UNC13B: variants seen among roughly 807,000 people sequenced by gnomAD.
The protein encoded by UNC13B is protein unc-13 homolog B.
In UNC13B, 144 loss-of-function variants were observed where a neutral mutation model predicts 211.0. That is an observed-to-expected ratio of 0.68 (90% confidence interval 0.60 to 0.78). The LOEUF is 0.78. UNC13B is among the 30% of genes least tolerant of loss of function. The probability of loss-of-function intolerance (pLI) is 0.00; values close to 1 mark genes in which losing one functional copy is unlikely to be tolerated. For missense variants in UNC13B, 1,777 were observed against 2,002.0 expected (o/e 0.89, Z 2.14); for synonymous variants, 709 against 725.8 (o/e 0.98, Z 0.37).
chr9:35,185,266 T>C (rs892664778), intron 1 of UNC13B, among the ~76,000 whole-genome samples: 21 of 152,224 alleles, frequency 1.4e-4, no homozygotes, highest in African/African-American at 4.8e-4. Flanking sequence ...GGATATTATT[T>C]GTAGTTGGCT....
At chr9:35,314,368 G>A (rs1245966543) in intron 11 of UNC13B, among the ~76,000 whole-genome samples, 2 of 152,050 alleles carry the variant, frequency 1.3e-5, no homozygotes, top group East Asian at 1.9e-4. Context: ...GGCCAAAACA[G>A]GGTACAAAAA....
chr9:35,358,779 C>T lies in UNC13B; in HGVS notation c.9415-8168C>T, dbSNP rs186040813. On this transcript the variant is annotated intron_variant, in intron 11 of 39. Transcript: ENST00000635942. ...CGTGATTTCGGCTCACAGCAACCTC[C>T]GCCTCCTGAGTTCGAGCAATTCTTC... 9.3e-4 allele frequency among the ~76,000 whole-genome samples: 141 copies of T among 151,034 alleles called. 1 individual carries two copies. In the South Asian group the frequency reaches 0.015, roughly 16 times the overall value.
chr9:35,236,704 A>C, intron 4 of UNC13B, 118 bp downstream of exon 4: 1 of 909,986 alleles, frequency 1.1e-6, no homozygotes, highest in Non-Finnish European at 1.7e-6. Flanking sequence ...CCCCTTTCTA[A>C]TTAGAGGGCA....
intron 17 of UNC13B, among the ~76,000 whole-genome samples, chr9:35,380,048 G>A (rs1834716783): frequency 6.6e-6 from 1 of 152,082 alleles, no homozygotes; most frequent in Admixed American, 6.5e-5. Flanking sequence ...TAACCCTATG[G>A]GCCTACCATG....
chr9:35,194,816 A>G (rs905513574), intron 1 of UNC13B, among the ~76,000 whole-genome samples: 1 of 152,198 alleles, frequency 6.6e-6, no homozygotes, highest in African/African-American at 2.4e-5. Flanking sequence ...ATCTCGTGCC[A>G]GAAAAATTTA....
intron 37 of UNC13B, among the ~76,000 whole-genome samples, chr9:35,401,198 G>A (rs1836277221): frequency 6.6e-6 from 1 of 152,186 alleles, no homozygotes; most frequent in Non-Finnish European, 1.5e-5. Flanking sequence ...CTGGGGGAGT[G>A]AACCTGGTGG....
At position 35,389,852 on chromosome 9, in the gene UNC13B, G is replaced by C; in HGVS notation, c.11101G>C (p.Glu3701Gln). The change falls in exon 25 of 40, where the codon GAG (glutamate) becomes CAG (glutamine). Residue 3701 changes from glutamate (E) to glutamine (Q), a missense_variant. Transcript: ENST00000635942. ...CTGTGTCCTCTGGATCAAGAAGCAG[G>C]AGCTACCTCCAGAGGAACAAGGGCC... Reference protein sequence around the residue: ...LYSRQYQLKQELPPEEQGPSI... With the variant: ...LYSRQYQLKQQLPPEEQGPSI... 1 of 1,614,068 alleles carries C rather than the reference G, an allele frequency of 6.2e-7. No homozygotes were observed. Among genetic ancestry groups the C allele is most frequent in the Non-Finnish European group, 8.5e-7 (1 of 1,179,970 alleles).
At chr9:35,243,422 A>T in intron 6 of UNC13B, 58 bp downstream of exon 6, 1 of 1,587,626 alleles carries the variant, frequency 6.3e-7, no homozygotes, top group Non-Finnish European at 8.6e-7. Context: ...AATGCTCTTT[A>T]TAGGTTGCCC....
At chr9:35,213,844 C>A (rs985350150) in intron 1 of UNC13B, among the ~76,000 whole-genome samples, 4 of 152,072 alleles carry the variant, frequency 2.6e-5, no homozygotes, top group African/African-American at 4.8e-5. Context: ...ATCCCTAAGC[C>A]AGTAAGCTAC....
intron 2 of UNC13B, among the ~76,000 whole-genome samples, chr9:35,228,486 C>T (rs1172208089): frequency 3.9e-5 from 6 of 151,902 alleles, no homozygotes; most frequent in East Asian, 3.9e-4. Context: ...TCCCTCCCCC[C>T]GTCCCCCACC....
chr9:35,241,235 T>G (rs1281211406), intron 5 of UNC13B, among the ~76,000 whole-genome samples: 1 of 152,042 alleles, frequency 6.6e-6, no homozygotes, highest in African/African-American at 2.4e-5. Flanking sequence ...CAGAGAGTAT[T>G]TAAGTATTTT....
chr9:35,169,325 G>A (rs993290816), intron 1 of UNC13B, among the ~76,000 whole-genome samples: 1 of 152,152 alleles, frequency 6.6e-6, no homozygotes, highest in Non-Finnish European at 1.5e-5. Flanking sequence ...CTGCATTCTA[G>A]CCTGGGTAAC....
At position 35,398,948 on chromosome 9, in the gene UNC13B, A is replaced by C; in HGVS notation, c.11988A>C (p.Thr3996=). 1 of 1,614,236 alleles carries C rather than the reference A, an allele frequency of 6.2e-7. No individual in the cohort carries two copies. Residue 3996 remains threonine, a synonymous_variant, in exon 33 of 40, where the codon ACA becomes ACC. Transcript: ENST00000635942. ...ACATCCTGGGCCAGGTTCGGGGCAC[A>C]GGGAATGCATCTCCAGACGCCAGGG... is the stretch of plus-strand genomic sequence containing the variant. The part of the protein sequence containing the change: ...MADILGQVRG[T]GNASPDARAS...
At position 35,228,033 on chromosome 9, in the gene UNC13B, A is replaced by T; in HGVS notation, c.41A>T (p.Gln14Leu). Residue 14 changes from glutamine (Q) to leucine (L), a missense_variant, in exon 2 of 40, where the codon CAG becomes CTG. Physicochemically the swap from Gln to Leu is moderately radical, Grantham distance 113. Transcript: ENST00000635942. ...CTTGCAGTTAAAAGGGCCAAATTCCAGGGTTCACCAGGTAAGGCCAGCTTT... is the reference window on the plus strand; with the variant it reads ...CTTGCAGTTAAAAGGGCCAAATTCCTGGGTTCACCAGGTAAGGCCAGCTTT... ...LCVRVKRAKF[Q>L]GSPDKFNTYV... 6.2e-7 allele frequency: 1 copy of T among 1,612,352 alleles called. No homozygotes were observed.
chr9:35,355,749 G>T (rs2132090057), intron 11 of UNC13B, among the ~76,000 whole-genome samples: 1 of 152,318 alleles, frequency 6.6e-6, no homozygotes, highest in South Asian at 2.1e-4. Context: ...TCTCAGCTGT[G>T]AGGGATTTCT....
chr9:35,380,987 GCC>G (rs1435533153), intron 18 of UNC13B, 111 bp from the exon 19 acceptor site: 8 of 999,374 alleles, frequency 8.0e-6, no homozygotes, highest in Non-Finnish European at 1.2e-5. Context: ...CCTTGGGTTG[GCC>G]CCTTCTTTTC....
At chr9:35,239,769 A>G (rs1054589838) in intron 5 of UNC13B, among the ~76,000 whole-genome samples, 1 of 152,206 alleles carries the variant, frequency 6.6e-6, no homozygotes, top group Non-Finnish European at 1.5e-5. Context: ...CTTGCTGAGA[A>G]AAAGAATTCA....
intron 11 of UNC13B, among the ~76,000 whole-genome samples, chr9:35,328,098 G>A (rs1369134932): frequency 6.6e-6 from 1 of 152,112 alleles, no homozygotes; most frequent in Admixed American, 6.5e-5. Context: ...TCAGCTCACT[G>A]CAACCTCTGC....
In UNC13B at chr9:35,306,815, A is replaced by T; in HGVS notation, c.7411A>T (p.Ser2471Cys). ...GACCAAAGTGAAATCTTTCTCTGGGAGCTTAATTGAACCTCCCAAAACACT... is the reference window on the plus strand; with the variant it reads ...GACCAAAGTGAAATCTTTCTCTGGGTGCTTAATTGAACCTCCCAAAACACT... The part of the protein sequence containing the change: ...FVTKVKSFSG[S>C]LIEPPKTLSG... The change falls in exon 9 of 40, where the codon AGC becomes TGC. Residue 2471 changes from serine to cysteine, a missense_variant. By Grantham distance (112) the Ser-to-Cys change is moderately radical. Coordinates refer to ENST00000635942, the MANE Select transcript of UNC13B (RefSeq NM_001371189.2). 1 of 399,044 alleles carries T rather than the reference A, an allele frequency of 2.5e-6. No homozygotes were observed. The allele number at this position is 399,044 out of a possible 1,614,324, so 24.7% of individuals were successfully genotyped here.
Sources: allele counts gnomAD v4.1 joint callset (sites outside exome capture counted in the v4.1 genomes callset), GRCh38; gene constraint gnomAD v4.1.1; transcripts MANE v1.5; gene names NCBI Gene and HGNC (gene_info 2026-07-23, HGNC 2026-07-21).